The following MAP2K6 variants were observed in gnomAD, a reference collection of about 807,000 sequenced individuals.
MAP2K6 encodes mitogen-activated protein kinase kinase 6.
A neutral mutation model predicts 53.7 loss-of-function variants in MAP2K6; 16 were observed. The observed-to-expected ratio is 0.30, with a 90% confidence interval of 0.20 to 0.45. The LOEUF (loss-of-function observed/expected upper bound fraction) is 0.45, where lower values mean the gene tolerates loss of function less well. Ranked by LOEUF, MAP2K6 falls within the 20% of genes least tolerant of loss-of-function variation. The pLI is 1.00. For missense variants in MAP2K6, 204 were observed against 411.9 expected, an observed-to-expected ratio of 0.50 and a Z score of 4.37; for synonymous variants, 132 against 143.1, an observed-to-expected ratio of 0.92 and a Z score of 0.55.
At chr17:69,424,198 G>T (rs931959802) in intron 1 of MAP2K6, among the ~76,000 whole-genome samples, 1 of 152,170 alleles carries the variant, frequency 6.6e-6, no homozygotes, top group Non-Finnish European at 1.5e-5. Context: ...TTACATCGTG[G>T]ATATTGGGTA....
In MAP2K6 at chr17:69,489,415, G is replaced by A. The variant is rs148374813; in HGVS notation, c.17-16365G>A. Among the ~76,000 whole-genome samples the A allele has an allele frequency of 3.9e-3, 587 of 152,166 alleles. 3 individuals are homozygous for A. The highest frequency in any genetic ancestry group is 0.013 in the African/African-American group (528 of 41,528). On this transcript the variant is annotated intron_variant, in intron 1 of 11. Coordinates refer to ENST00000590474, the MANE Select transcript of MAP2K6 (RefSeq NM_002758.4). ...ATACTTTTTCTTGTGCTCAGTCTTC[G>A]CAATTAACTGATTTAGATATTTCAA...
chr17:69,491,617 G>C (rs1908756111), intron 1 of MAP2K6, among the ~76,000 whole-genome samples: 1 of 152,058 alleles, frequency 6.6e-6, no homozygotes, highest in Non-Finnish European at 1.5e-5. Context: ...TGGTAGTTCT[G>C]TTTTTAGCTC....
Position 69,515,836 on chromosome 17 carries a change from G to A in MAP2K6, c.84-1019G>A, listed in dbSNP as rs576651393. On this transcript the variant is annotated intron_variant, in intron 2 of 11. Coordinates refer to ENST00000590474, the MANE Select transcript of MAP2K6 (RefSeq NM_002758.4). ...TCTGTCCATCTATAAAAGAAGGGAC[G>A]AGATTTGAAATTCTTATGTTCTATG... Among the ~76,000 whole-genome samples, 6 of 152,286 alleles carry A rather than the reference G, an allele frequency of 3.9e-5. No individual in the cohort carries two copies. In the East Asian group the frequency reaches 9.6e-4, roughly 24 times the overall value.
chr17:69,502,502 A>G, intron 1 of MAP2K6: 2 of 985,204 alleles, frequency 2.0e-6, no homozygotes, highest in Non-Finnish European at 2.4e-6. Context: ...ATTTTCTAAC[A>G]CTGTAATTCA....
In MAP2K6 at chr17:69,464,464, C is replaced by G. The variant is rs1018470650; in HGVS notation, c.17-41316C>G. On this transcript the variant is annotated intron_variant, in intron 1 of 11. Coordinates refer to ENST00000590474, the MANE Select transcript of MAP2K6 (RefSeq NM_002758.4). ...AGGCACGATTTCAGCTCACTTCAAT[C>G]TCCACCTCCCAGGTTCACGTGATTC... Among the ~76,000 whole-genome samples, 3 of 152,170 alleles carry G rather than the reference C, an allele frequency of 2.0e-5. No individual in the cohort carries two copies. The East Asian group carries it at 5.8e-4, about 29-fold the overall frequency.
chr17:69,482,605 A>G (rs1294761230), intron 1 of MAP2K6, among the ~76,000 whole-genome samples: 1 of 152,006 alleles, frequency 6.6e-6, no homozygotes, highest in Non-Finnish European at 1.5e-5. Context: ...TACCACATCA[A>G]TACATAAAAA....
chr17:69,419,739 C>T (rs1193580629), intron 1 of MAP2K6, among the ~76,000 whole-genome samples: 1 of 151,952 alleles, frequency 6.6e-6, no homozygotes, highest in African/African-American at 2.4e-5. Flanking sequence ...CCAGCCTGGC[C>T]AACATAGTGA....
chr17:69,449,804 G>A (rs1457557395), intron 1 of MAP2K6, among the ~76,000 whole-genome samples: 3 of 150,306 alleles, frequency 2.0e-5, no homozygotes, highest in Non-Finnish European at 4.4e-5. Flanking sequence ...TAGTAGAGAC[G>A]GGGTTTCACC....
chr17:69,470,417 GA>G (rs962674144), intron 1 of MAP2K6, among the ~76,000 whole-genome samples: 47 of 152,158 alleles, frequency 3.1e-4, no homozygotes, highest in Non-Finnish European at 6.5e-4. Flanking sequence ...ATCCAGGGAG[GA>G]TAGATGCTTC....
chr17:69,526,811 G>T, intron 10 of MAP2K6, 102 bp downstream of exon 10: 1 of 1,384,732 alleles, frequency 7.2e-7, no homozygotes. Flanking sequence ...CATTCATTCC[G>T]AAAGCATTTG....
intron 1 of MAP2K6, among the ~76,000 whole-genome samples, chr17:69,454,773 A>G (rs1907344659): frequency 6.6e-6 from 1 of 152,232 alleles, no homozygotes; most frequent in Admixed American, 6.5e-5. Context: ...GGACAATTCA[A>G]AAGGTAAATT....
intron 1 of MAP2K6, among the ~76,000 whole-genome samples, chr17:69,453,367 T>C (rs1399396585): frequency 6.6e-6 from 1 of 152,210 alleles, no homozygotes. Flanking sequence ...AATAAAACTT[T>C]ATTTACCAAA....
At chr17:69,510,988 T>G (rs1301033474) in intron 2 of MAP2K6, among the ~76,000 whole-genome samples, 1 of 152,172 alleles carries the variant, frequency 6.6e-6, no homozygotes, top group Non-Finnish European at 1.5e-5. Flanking sequence ...TATTCTTACA[T>G]CAACCTGCCA....
chr17:69,508,889 C>A (rs1170420223), intron 2 of MAP2K6, among the ~76,000 whole-genome samples: 1 of 152,208 alleles, frequency 6.6e-6, no homozygotes, highest in Non-Finnish European at 1.5e-5. Flanking sequence ...CATTGAATTG[C>A]TTCTGCTCCT....
At chr17:69,417,117 G>A (rs1266412170) in intron 1 of MAP2K6, among the ~76,000 whole-genome samples, 1 of 152,144 alleles carries the variant, frequency 6.6e-6, no homozygotes, top group Admixed American at 6.5e-5. Context: ...TGTCCGAAAG[G>A]AAAATTATTG....
At position 69,552,289 on chromosome 17, in the gene MAP2K6, G is replaced by A. The variant is rs547881014; in HGVS notation, c.*10536G>A. 8 of 152,286 alleles carry A rather than the reference G, an allele frequency of 5.3e-5. No individual in the cohort carries two copies. The highest frequency in any genetic ancestry group is 2.0e-4 in the Admixed American group (3 of 15,288). The allele number at this position is 152,286 out of a possible 1,614,324, so 9.4% of individuals were successfully genotyped here. A position where few individuals can be genotyped will look rare whatever the true frequency, so the allele number is the denominator to read the frequency against. On this transcript the variant is annotated 3_prime_UTR_variant, in exon 12 of 12. Transcript: ENST00000590474. ...ACCTGAAATATTCTGAAAGGATATC[G>A]GAGAGGTCCTATGCACCCCTGTCTT... is the stretch of plus-strand genomic sequence containing the variant.
Position 69,446,189 on chromosome 17 carries a change from G to A in MAP2K6, c.16+31189G>A, listed in dbSNP as rs369000127. On this transcript the variant is annotated intron_variant, in intron 1 of 11. Transcript: ENST00000590474. ...TCTGGTGATTAATAGACACCAGGAT[G>A]GGGGAGGGTGGATCTATCATTTGGC... is the stretch of plus-strand genomic sequence containing the variant. 1.7e-3 allele frequency among the ~76,000 whole-genome samples: 263 copies of A among 152,300 alleles called. 1 individual carries two copies. Among genetic ancestry groups the A allele is most frequent in the African/African-American group, 5.9e-3 (247 of 41,574 alleles).
At chr17:69,417,321 A>G (rs1036395817) in intron 1 of MAP2K6, among the ~76,000 whole-genome samples, 6 of 152,182 alleles carry the variant, frequency 3.9e-5, no homozygotes, top group African/African-American at 7.2e-5. Flanking sequence ...ATACAATCTC[A>G]TAGTATTGAA....
rs111314685 is a variant in MAP2K6, at chr17:69,510,281, G to T, written c.83+4435G>T. On this transcript the variant is annotated intron_variant, in intron 2 of 11. Transcript: ENST00000590474. ...TGATTCATTTTTATGTACTCAGCTAGCTTTGCATACCCCAAATGAATCCCA... is the reference window on the plus strand; with the variant it reads ...TGATTCATTTTTATGTACTCAGCTATCTTTGCATACCCCAAATGAATCCCA... Among the ~76,000 whole-genome samples the T allele has an allele frequency of 8.3e-3, 1,269 of 152,230 alleles. 25 individuals carry two copies. Among genetic ancestry groups the T allele is most frequent in the African/African-American group, 0.028 (1,158 of 41,532 alleles).
Sources: allele counts gnomAD v4.1 joint callset (sites outside exome capture counted in the v4.1 genomes callset), GRCh38; gene constraint gnomAD v4.1.1; transcripts MANE v1.5; gene names NCBI Gene and HGNC (gene_info 2026-07-23, HGNC 2026-07-21).